Variants in HECW2 observed in about 807,000 individuals in gnomAD.
HECW2 encodes the protein E3 ubiquitin-protein ligase HECW2.
In HECW2, 61 loss-of-function variants were observed where a neutral mutation model predicts 175.2. The ratio of observed to expected loss-of-function variants is 0.35; its 90% CI spans 0.28 to 0.43. The LOEUF is 0.43. Among genes scored for constraint, HECW2 ranks in the 20% least tolerant of loss-of-function variants. The pLI is 1.00. For synonymous variants in HECW2, 671 were observed against 731.0 expected (o/e 0.92, Z 1.32); for missense variants, 1,524 against 2,000.5 (o/e 0.76, Z 4.54).
chr2:196,368,093 A>G (rs1369294814), intron 2 of HECW2, among the ~76,000 whole-genome samples: 1 of 152,134 alleles, frequency 6.6e-6, no homozygotes, highest in East Asian at 1.9e-4. Context: ...AACAGTGCAG[A>G]TATCTCTTCG....
rs893666123 is a variant in HECW2, at chr2:196,329,989, C to T, written c.496-339G>A. Among the ~76,000 whole-genome samples the T allele has an allele frequency of 2.6e-5, 4 of 152,160 alleles. No individual in the cohort carries two copies. The East Asian group carries it at 7.7e-4, about 29-fold the overall frequency. Reference sequence around the variant, plus strand: ...ATTAAACATTCTCTTTAGTTAAAAACCAAACATCAAGTTCCTTCAGATTTG... The same window carrying T: ...ATTAAACATTCTCTTTAGTTAAAAATCAAACATCAAGTTCCTTCAGATTTG... On this transcript the variant is annotated intron_variant, in intron 4 of 28. Coordinates refer to ENST00000644978, the MANE Select transcript of HECW2 (RefSeq NM_001348768.2).
At chr2:196,432,865 G>A (rs1695755145) in intron 2 of HECW2, among the ~76,000 whole-genome samples, 2 of 152,092 alleles carry the variant, frequency 1.3e-5, no homozygotes, top group Admixed American at 6.5e-5. Flanking sequence ...CTTTTGCATC[G>A]ACCTAAGAGA....
intron 1 of HECW2, among the ~76,000 whole-genome samples, chr2:196,494,846 A>G (rs1024451010): frequency 5.9e-5 from 9 of 152,290 alleles, no homozygotes; most frequent in Admixed American, 1.3e-4. Flanking sequence ...GCTGCTGTAC[A>G]TGGTGAAAAG....
intron 1 of HECW2, among the ~76,000 whole-genome samples, chr2:196,450,359 T>C (rs1696309434): frequency 6.6e-6 from 1 of 151,862 alleles, no homozygotes; most frequent in Admixed American, 6.6e-5. Flanking sequence ...TTTCTGGAGA[T>C]GAGAGGAAGA....
At chr2:196,515,975 C>CA (rs60165337) in intron 1 of HECW2, among the ~76,000 whole-genome samples, 6,968 of 135,784 alleles carry the variant, frequency 0.051, 394 homozygotes, top group African/African-American at 0.14. Context: ...AAAAAAAGTA[C>CA]AAAAAAAAAA....
intron 2 of HECW2, among the ~76,000 whole-genome samples, chr2:196,432,166 G>C (rs1005077953): frequency 6.6e-6 from 1 of 152,030 alleles, no homozygotes; most frequent in African/African-American, 2.4e-5. Context: ...GTCCTCTAGG[G>C]GGCAAAATCT....
chr2:196,242,105 C>G lies in HECW2; in HGVS notation c.3629G>C (p.Gly1210Ala). The change falls in exon 20 of 29, where the codon GGA (glycine) becomes GCA (alanine). Residue 1210 changes from glycine to alanine, a missense_variant. Physicochemically the swap from Gly to Ala is moderately conservative, Grantham distance 60. Coordinates refer to ENST00000644978, the MANE Select transcript of HECW2 (RefSeq NM_001348768.2). ...FYRKLETKGY[G>A]QGPGKLKLII... ...TTACTTTAACTTCCCTGGGCCTTGT[C>G]CATATCCTTTAGTCTCTAACTTCCT... is the stretch of plus-strand genomic sequence containing the variant. The G allele has an allele frequency of 6.2e-7, 1 of 1,614,164 alleles. No individual in the cohort carries two copies. Among genetic ancestry groups the G allele is most frequent in the Non-Finnish European group, 8.5e-7 (1 of 1,179,988 alleles).
rs1296683047 is a variant in HECW2 at position 196,515,330 on chromosome 2, G to C, written c.-36+78178C>G. ...AGGCTGTTAGTACAAGCCAAGTGCA[G>C]GCTGCTGGGCCAAGTGGGCAGAATA... On this transcript the variant is annotated intron_variant, in intron 1 of 28. Coordinates refer to ENST00000644978, the MANE Select transcript of HECW2 (RefSeq NM_001348768.2). 2.6e-5 allele frequency among the ~76,000 whole-genome samples: 4 copies of C among 152,368 alleles called. No individual in the cohort carries two copies. In the East Asian group the frequency reaches 7.7e-4, roughly 29 times the overall value.
chr2:196,473,764 TA>T (rs1697309878), intron 1 of HECW2, among the ~76,000 whole-genome samples: 1 of 152,146 alleles, frequency 6.6e-6, no homozygotes, highest in African/African-American at 2.4e-5. Flanking sequence ...AAAAAGATAA[TA>T]AATCACTTGA....
At chr2:196,306,415 A>G in intron 13 of HECW2, 73 bp downstream of exon 13, 1 of 1,418,796 alleles carries the variant, frequency 7.0e-7, no homozygotes, top group Non-Finnish European at 9.7e-7. Context: ...CATTCCTGCT[A>G]TTACTACAGA....
chr2:196,203,608 A>G (rs1378831192), intron 28 of HECW2, among the ~76,000 whole-genome samples: 1 of 152,210 alleles, frequency 6.6e-6, no homozygotes, highest in African/African-American at 2.4e-5. Flanking sequence ...AAGGTTGAGC[A>G]TCTTTCCCCC....
intron 1 of HECW2, among the ~76,000 whole-genome samples, chr2:196,558,217 T>C (rs774802474): frequency 1.3e-5 from 2 of 152,230 alleles, no homozygotes; most frequent in Non-Finnish European, 2.9e-5. Context: ...AAGGCACTAC[T>C]TCAATACCTA....
At chr2:196,546,060 T>C (rs1460086193) in intron 1 of HECW2, among the ~76,000 whole-genome samples, 1 of 152,246 alleles carries the variant, frequency 6.6e-6, no homozygotes, top group Non-Finnish European at 1.5e-5. Flanking sequence ...ACCCACATTA[T>C]TTCGAACACA....
chr2:196,541,166 C>T (rs966491818), intron 1 of HECW2, among the ~76,000 whole-genome samples: 30 of 152,214 alleles, frequency 2.0e-4, no homozygotes, highest in African/African-American at 6.0e-4. Context: ...GCCTGTGCAC[C>T]TCTGTACCTA....
chr2:196,343,411 T>C (rs1692835262), intron 3 of HECW2, among the ~76,000 whole-genome samples: 1 of 152,214 alleles, frequency 6.6e-6, no homozygotes, highest in Non-Finnish European at 1.5e-5. Context: ...CACAGTTGGT[T>C]GAATCTGTAG....
intron 14 of HECW2, among the ~76,000 whole-genome samples, chr2:196,281,158 C>T (rs182811307): frequency 5.8e-4 from 88 of 152,246 alleles, no homozygotes; most frequent in African/African-American, 2.0e-3. Context: ...AAAATCCATT[C>T]TCAAAAGAAC....
At chr2:196,343,627 T>G in intron 3 of HECW2, 30 bp downstream of exon 3, 1 of 1,359,890 alleles carries the variant, frequency 7.4e-7, no homozygotes, top group Admixed American at 1.7e-5. Flanking sequence ...TGTTCAATAA[T>G]AAGTTTATAT....
At chr2:196,350,505 C>A (rs1033053162) in intron 2 of HECW2, among the ~76,000 whole-genome samples, 1 of 152,206 alleles carries the variant, frequency 6.6e-6, no homozygotes, top group Non-Finnish European at 1.5e-5. Context: ...ACCATAAAGA[C>A]CACATTTTGA....
At chr2:196,368,392 G>A (rs1200574731) in intron 2 of HECW2, among the ~76,000 whole-genome samples, 1 of 152,194 alleles carries the variant, frequency 6.6e-6, no homozygotes, top group East Asian at 1.9e-4. Context: ...TTCTCCTACT[G>A]CTTTTAGCAT....
Sources: allele counts gnomAD v4.1 joint callset (sites outside exome capture counted in the v4.1 genomes callset), GRCh38; gene constraint gnomAD v4.1.1; transcripts MANE v1.5; gene names NCBI Gene and HGNC (gene_info 2026-07-23, HGNC 2026-07-21).